The following HECW2 variants were observed in gnomAD, a reference collection of about 807,000 sequenced individuals.
HECW2 encodes the protein HECT, C2 and WW domain containing E3 ubiquitin protein ligase 2, also known as E3 ubiquitin-protein ligase HECW2.
A neutral mutation model predicts 175.2 loss-of-function variants in HECW2; 61 were observed. The observed-to-expected ratio is 0.35, with a 90% CI of 0.28 to 0.43. The LOEUF is 0.43. Ranked by LOEUF, HECW2 falls within the 20% of genes least tolerant of loss-of-function variation. HECW2 has a pLI of 1.00. For missense variants in HECW2, 1,524 were observed against 2,000.5 expected, an observed-to-expected ratio of 0.76 and a Z score of 4.54; for synonymous variants, 671 against 731.0, an observed-to-expected ratio of 0.92 and a Z score of 1.32.
intron 10 of HECW2, chr2:196,315,917 A>C (rs1195379799): frequency 6.6e-6 from 1 of 152,198 alleles, no homozygotes; most frequent in African/African-American, 2.4e-5. Context: ...ATGACTATTA[A>C]TCTGTATATA....
intron 1 of HECW2, among the ~76,000 whole-genome samples, chr2:196,492,488 C>G (rs868581408): frequency 5.9e-5 from 9 of 152,240 alleles, no homozygotes; most frequent in Non-Finnish European, 1.0e-4. Flanking sequence ...TTCACATAGT[C>G]CATAAAGTGT....
At chr2:196,241,385 G>A (rs1300268010) in intron 20 of HECW2, among the ~76,000 whole-genome samples, 2 of 152,208 alleles carry the variant, frequency 1.3e-5, no homozygotes, top group Non-Finnish European at 2.9e-5. Context: ...GGGGCAGTGA[G>A]CCATGGGGCT....
At chr2:196,394,624 T>C (rs948036020) in intron 2 of HECW2, among the ~76,000 whole-genome samples, 2 of 152,138 alleles carry the variant, frequency 1.3e-5, no homozygotes, top group African/African-American at 4.8e-5. Context: ...GTATCCCAGA[T>C]CAGTTAATTA....
At chr2:196,562,870 C>G (rs185490419) in intron 1 of HECW2, among the ~76,000 whole-genome samples, 4 of 152,116 alleles carry the variant, frequency 2.6e-5, no homozygotes, top group Admixed American at 2.0e-4. Context: ...ATAGCAAGAC[C>G]CTGTCTCTAC....
chr2:196,257,934 T>G (rs188744830), intron 17 of HECW2, 28 bp from the exon 18 acceptor site: 2 of 1,510,562 alleles, frequency 1.3e-6, no homozygotes, highest in African/African-American at 1.4e-5. Flanking sequence ...CAGCACAAAA[T>G]GTATATGGTA....
intron 21 of HECW2, among the ~76,000 whole-genome samples, chr2:196,228,553 T>C (rs1172056602): frequency 2.0e-5 from 3 of 151,990 alleles, no homozygotes; most frequent in South Asian, 2.1e-4. Context: ...ATTTTGATTA[T>C]GTAAACATGT....
chr2:196,211,269 G>A (rs752797037), intron 28 of HECW2, among the ~76,000 whole-genome samples: 37 of 152,170 alleles, frequency 2.4e-4, no homozygotes, highest in Non-Finnish European at 3.8e-4. Flanking sequence ...TTTTCAGGCT[G>A]GCATCTTAGC....
chr2:196,211,841 G>T (rs938489274), intron 28 of HECW2, among the ~76,000 whole-genome samples: 1 of 151,928 alleles, frequency 6.6e-6, no homozygotes, highest in Non-Finnish European at 1.5e-5. Context: ...CTTCTTAGAG[G>T]ATTCTTTTTT....
intron 28 of HECW2, among the ~76,000 whole-genome samples, chr2:196,212,648 A>G (rs1687333569): frequency 6.6e-6 from 1 of 152,200 alleles, no homozygotes; most frequent in Non-Finnish European, 1.5e-5. Flanking sequence ...ACAGAGCTGC[A>G]ATGAAGATAC....
rs537181700 is a variant in HECW2 at position 196,479,227 on chromosome 2, A to T, written c.-35-45769T>A. On this transcript the variant is annotated intron_variant, in intron 1 of 28. Transcript: ENST00000644978. ...TCTTCTCCTTCTCTCCCAAAAGGAA[A>T]TTTTTTATCTAAAACCCCCAAAGTA... Among the ~76,000 whole-genome samples the T allele has an allele frequency of 1.7e-4, 26 of 152,266 alleles. No individual in the cohort carries two copies. The South Asian group carries it at 2.1e-3, about 12-fold the overall frequency.
Position 196,382,240 on chromosome 2 carries a change from T to C in HECW2, c.293-38476A>G, listed in dbSNP as rs1179931711. ...ATGTGTGTGTGTGTGTATATATATA[T>C]ATATATACATGTGTGGAATATATAT... On this transcript the variant is annotated intron_variant, in intron 2 of 28. Transcript: ENST00000644978. Among the ~76,000 whole-genome samples, 6 of 151,890 alleles carry C rather than the reference T, an allele frequency of 4.0e-5. No individual in the cohort carries two copies. The East Asian group carries it at 1.2e-3, about 29-fold the overall frequency.
At chr2:196,278,133 A>T (rs202201601) in intron 15 of HECW2, among the ~76,000 whole-genome samples, 3,899 of 62,152 alleles carry the variant, frequency 0.063, 600 homozygotes, top group Middle Eastern at 0.085. Flanking sequence ...ATAATTAAAA[A>T]ATATATATAT....
intron 1 of HECW2, among the ~76,000 whole-genome samples, chr2:196,593,035 G>T (rs2125543192): frequency 6.6e-6 from 1 of 151,676 alleles, no homozygotes; most frequent in East Asian, 1.9e-4. Flanking sequence ...CGCGGCGCAG[G>T]GGCAGAGCGC....
At chr2:196,302,305 T>C (rs192020410) in intron 13 of HECW2, among the ~76,000 whole-genome samples, 6 of 152,356 alleles carry the variant, frequency 3.9e-5, no homozygotes, top group Admixed American at 3.9e-4. Context: ...TGTAAGTTAC[T>C]AGTATAGTTA....
intron 2 of HECW2, among the ~76,000 whole-genome samples, chr2:196,400,267 A>G (rs1694782099): frequency 6.6e-6 from 1 of 152,234 alleles, no homozygotes. Context: ...AACTGCCAAC[A>G]TTGCAAAGAA....
intron 2 of HECW2, among the ~76,000 whole-genome samples, chr2:196,397,238 G>A (rs186595711): frequency 5.3e-5 from 8 of 152,368 alleles, no homozygotes; most frequent in Admixed American, 2.6e-4. Context: ...GAAAGACACT[G>A]CTGTGTGTCC....
At chr2:196,533,407 A>G (rs1688908358) in intron 1 of HECW2, among the ~76,000 whole-genome samples, 1 of 152,198 alleles carries the variant, frequency 6.6e-6, no homozygotes, top group Non-Finnish European at 1.5e-5. Context: ...ACCACCACAA[A>G]TGAAACTTGC....
chr2:196,389,881 T>G (rs1053821968), intron 2 of HECW2, among the ~76,000 whole-genome samples: 6 of 152,140 alleles, frequency 3.9e-5, no homozygotes, highest in South Asian at 2.1e-4. Flanking sequence ...CATCCTTGGA[T>G]GAGTGTATCC....
At chr2:196,347,704 A>G (rs1477365942) in intron 2 of HECW2, among the ~76,000 whole-genome samples, 1 of 152,198 alleles carries the variant, frequency 6.6e-6, no homozygotes, top group Non-Finnish European at 1.5e-5. Flanking sequence ...AACAAGTTCA[A>G]ATGCCATGGC....
Sources: allele counts gnomAD v4.1 joint callset (sites outside exome capture counted in the v4.1 genomes callset), GRCh38; gene constraint gnomAD v4.1.1; transcripts MANE v1.5; gene names NCBI Gene and HGNC (gene_info 2026-07-23, HGNC 2026-07-21).